Variants in GNS observed in about 807,000 individuals in gnomAD.
GNS encodes N-acetylglucosamine-6-sulfatase.
In GNS, 40 loss-of-function variants were observed where a neutral mutation model predicts 69.7. The ratio of observed to expected loss-of-function variants is 0.57; its 90% CI spans 0.45 to 0.75. The LOEUF (loss-of-function observed/expected upper bound fraction) is 0.75. Among genes scored for constraint, GNS ranks in the 30% least tolerant of loss-of-function variants. GNS has a pLI of 0.00. For missense variants in GNS, 565 were observed against 685.5 expected (o/e 0.82, Z 1.96); for synonymous variants, 243 against 251.6 (o/e 0.97, Z 0.32).
At chr12:64,741,431 G>A (rs942222221) in intron 6 of GNS, among the ~76,000 whole-genome samples, 1 of 151,676 alleles carries the variant, frequency 6.6e-6, no homozygotes, top group South Asian at 2.1e-4. Flanking sequence ...GATTACAGGC[G>A]TGCACCAACA....
chr12:64,757,988 C>A (rs183716784), intron 1 of GNS, among the ~76,000 whole-genome samples: 27 of 152,332 alleles, frequency 1.8e-4, no homozygotes, highest in African/African-American at 6.0e-4. Flanking sequence ...GAGAGGAATG[C>A]TGAACCCAGG....
chr12:64,718,037 G>A (rs1868920367), intron 13 of GNS, among the ~76,000 whole-genome samples: 1 of 152,172 alleles, frequency 6.6e-6, no homozygotes, highest in South Asian at 2.1e-4. Flanking sequence ...TGCTGCTGAA[G>A]CACACAAGCA....
At chr12:64,742,679 A>G (rs1169166838) in intron 6 of GNS, among the ~76,000 whole-genome samples, 2 of 152,218 alleles carry the variant, frequency 1.3e-5, no homozygotes, top group African/African-American at 2.4e-5. Flanking sequence ...TTGGCACGTG[A>G]GGCAAATACA....
At chr12:64,724,474 A>G (rs2136238506) in intron 10 of GNS, among the ~76,000 whole-genome samples, 1 of 152,304 alleles carries the variant, frequency 6.6e-6, no homozygotes. Context: ...TAGAGATAGG[A>G]ATTATTTCCT....
chr12:64,759,066 G>A lies in GNS; in HGVS notation c.192+19C>T, dbSNP rs1870380285. ...TCAGCCCAAGAGATAGAGGGGCGGG[G>A]CAGAAACAGAAGAGTTACCATGCCG... On this transcript the variant is annotated intron_variant, in intron 1 of 13. Coordinates refer to ENST00000258145, the MANE Select transcript of GNS (RefSeq NM_002076.4). The A allele has an allele frequency of 1.3e-6, 2 of 1,546,178 alleles. No individual in the cohort carries two copies. Among genetic ancestry groups the A allele is most frequent in the Admixed American group, 1.9e-5 (1 of 51,428 alleles).
At chr12:64,737,430 A>C (rs1869589807) in intron 8 of GNS, among the ~76,000 whole-genome samples, 1 of 152,246 alleles carries the variant, frequency 6.6e-6, no homozygotes, top group Non-Finnish European at 1.5e-5. Context: ...AACTGAATGA[A>C]GTTTACTCCA....
At chr12:64,737,212 T>C in intron 8 of GNS, 105 bp from the exon 9 acceptor site, 1 of 740,350 alleles carries the variant, frequency 1.4e-6, no homozygotes, top group South Asian at 1.5e-5. Flanking sequence ...AACTTTGTTC[T>C]ACTGATTCTG....
intron 9 of GNS, among the ~76,000 whole-genome samples, chr12:64,730,820 G>C (rs1348884805): frequency 6.6e-6 from 1 of 152,154 alleles, no homozygotes; most frequent in African/African-American, 2.4e-5. Context: ...TCTCCAGAAT[G>C]AGATCAAGAC....
Position 64,745,731 on chromosome 12 carries a change from A to G in GNS, c.460-7T>C. 6.3e-7 allele frequency: 1 copy of G among 1,578,648 alleles called. No individual in the cohort carries two copies. The highest frequency in any genetic ancestry group is 8.7e-7 in the Non-Finnish European group (1 of 1,147,490). On this transcript the variant is annotated splice_polypyrimidine_tract_variant and splice_region_variant and intron_variant, in intron 3 of 13. Coordinates refer to ENST00000258145, the MANE Select transcript of GNS (RefSeq NM_002076.4). ...CTGCATCTGGGGCTCCGTACTGAAA[A>G]GCAAAACAAGTAGGGACAATTACAA...
chr12:64,739,080 C>T (rs1218861044), intron 8 of GNS, among the ~76,000 whole-genome samples: 1 of 152,192 alleles, frequency 6.6e-6, no homozygotes, highest in Non-Finnish European at 1.5e-5. Flanking sequence ...AAGACAACCT[C>T]CTTTTGGTCT....
chr12:64,722,896 CAAAG>C (rs1869077003), intron 11 of GNS, 106 bp downstream of exon 11: 1 of 753,592 alleles, frequency 1.3e-6, no homozygotes, highest in Non-Finnish European at 2.4e-6. Flanking sequence ...CAGTCAGTGA[CAAAG>C]GAACAGGACT....
intron 1 of GNS, chr12:64,756,755 G>GA: frequency 6.7e-7 from 1 of 1,490,290 alleles, no homozygotes; most frequent in Non-Finnish European, 9.0e-7. Flanking sequence ...AGAATATTCT[G>GA]AAAAAGCCTA....
At chr12:64,743,079 C>G in intron 6 of GNS, 62 bp downstream of exon 6, 1 of 1,281,610 alleles carries the variant, frequency 7.8e-7, no homozygotes, top group Non-Finnish European at 1.1e-6. Flanking sequence ...GGCTTCCTGA[C>G]AAGTATACCA....
At chr12:64,745,627 T>G in intron 4 of GNS, 32 bp downstream of exon 4, 1 of 1,263,212 alleles carries the variant, frequency 7.9e-7, no homozygotes, top group South Asian at 1.2e-5. Context: ...TAGGGCTGCA[T>G]AAAATTGTCA....
chr12:64,745,540 G>A (rs1869873116), intron 4 of GNS, 119 bp downstream of exon 4: 2 of 799,216 alleles, frequency 2.5e-6, no homozygotes, highest in East Asian at 2.5e-5. Context: ...AAATTTTAAG[G>A]TTTTTAAAAT....
At chr12:64,716,902 G>A in intron 13 of GNS, 83 bp from the exon 14 acceptor site, 1 of 902,092 alleles carries the variant, frequency 1.1e-6, no homozygotes. Flanking sequence ...ATAGCAGGAA[G>A]GGGTGTAAAA....
At chr12:64,742,640 A>G (rs1301238514) in intron 6 of GNS, among the ~76,000 whole-genome samples, 2 of 152,360 alleles carry the variant, frequency 1.3e-5, no homozygotes, top group East Asian at 3.9e-4. Context: ...GGAACTGTCT[A>G]TACACCAAGC....
rs576458685 is a variant in GNS at position 64,734,302 on chromosome 12, A to G, written c.1098+2702T>C. Among the ~76,000 whole-genome samples the G allele has an allele frequency of 1.9e-4, 29 of 152,316 alleles. No homozygotes were observed. The South Asian group carries it at 6.0e-3, about 32-fold the overall frequency. Reference sequence around the variant, plus strand: ...TGTATGTTAGGGGCTGGATATTTTAAGTTTAGATAGTTCCTCTTTTCTAGG... The same window carrying G: ...TGTATGTTAGGGGCTGGATATTTTAGGTTTAGATAGTTCCTCTTTTCTAGG... On this transcript the variant is annotated intron_variant, in intron 9 of 13. Transcript: ENST00000258145.
chr12:64,751,989 A>G (rs1349317426), intron 2 of GNS, among the ~76,000 whole-genome samples: 3 of 151,944 alleles, frequency 2.0e-5, no homozygotes, highest in Non-Finnish European at 4.4e-5. Context: ...AAAAGAAAAA[A>G]TAAGTCAGGC....
Sources: gnomAD v4.1 joint callset for allele counts (sites outside exome capture counted in the v4.1 genomes callset) on GRCh38, gnomAD v4.1.1 for gene constraint, MANE v1.5 for transcripts, NCBI Gene and HGNC (gene_info 2026-07-23, HGNC 2026-07-21) for gene names.